CETN3: variants seen among roughly 807,000 people sequenced by gnomAD.
The protein encoded by CETN3 is centrin-3.
Under a neutral mutation model 20.1 loss-of-function variants are expected in CETN3, and 17 were observed. The observed-to-expected ratio is 0.85, with a 90% CI of 0.58 to 1.27. The LOEUF (loss-of-function observed/expected upper bound fraction) is 1.27, where lower values mean the gene tolerates loss of function less well. CETN3 is among the 50% of genes most tolerant of loss of function. The pLI is 0.00. For missense variants in CETN3, 169 were observed against 191.2 expected, an observed-to-expected ratio of 0.88 and a Z score of 0.69; for synonymous variants, 52 against 59.7, an observed-to-expected ratio of 0.87 and a Z score of 0.59.
At chr5:90,402,673 C>T (rs1749329032) in intron 3 of CETN3, among the ~76,000 whole-genome samples, 1 of 152,184 alleles carries the variant, frequency 6.6e-6, no homozygotes, top group Admixed American at 6.5e-5. Context: ...AAGTCTCTAA[C>T]TACTCACTCT....
intron 4 of CETN3, 74 bp downstream of exon 4, chr5:90,399,284 A>G: frequency 7.1e-7 from 1 of 1,400,388 alleles, no homozygotes; most frequent in South Asian, 1.2e-5. Flanking sequence ...CTTGCAAGTC[A>G]TTTGGTTTTA....
chr5:90,405,597 T>C, intron 3 of CETN3, 88 bp downstream of exon 3: 1 of 851,828 alleles, frequency 1.2e-6, no homozygotes, highest in Non-Finnish European at 1.9e-6. Flanking sequence ...GAAAATTCCA[T>C]AACCTAGAGA....
intron 3 of CETN3, among the ~76,000 whole-genome samples, chr5:90,403,322 T>C (rs1162154846): frequency 6.6e-6 from 1 of 152,190 alleles, no homozygotes; most frequent in Non-Finnish European, 1.5e-5. Flanking sequence ...GGGTAATACA[T>C]AGTTCCTGAA....
In CETN3 at chr5:90,407,727, T is replaced by A. The variant is rs1485611151; in HGVS notation, c.125A>T (p.Asp42Val). Residue 42 changes from aspartate to valine, a missense_variant, in exon 2 of 5, where the codon GAT becomes GTT. Physicochemically the swap from Asp to Val is radical, Grantham distance 152. Transcript: ENST00000283122. ...TAATTCATGATAATCTATTGCTTCA[T>A]CTTTGTCTGTATCAAATAGTTCAAA... Reference protein sequence around the residue: ...DAFELFDTDKDEAIDYHELKV... With the variant: ...DAFELFDTDKVEAIDYHELKV... The A allele has an allele frequency of 1.9e-6, 3 of 1,563,418 alleles. No individual in the cohort carries two copies. The highest frequency in any genetic ancestry group is 2.6e-6 in the Non-Finnish European group (3 of 1,144,832).
chr5:90,395,777 C>T (rs1196454625), intron 4 of CETN3: 2 of 683,684 alleles, frequency 2.9e-6, no homozygotes, highest in Non-Finnish European at 3.6e-6. Flanking sequence ...ACTAGTCTGA[C>T]AATTTTTCTG....
rs989982605 is a variant in CETN3, at chr5:90,396,211, G to A, written c.461-2104C>T. Reference sequence around the variant, plus strand: ...TATGCCTCACAGAAATAAGCTATGAGTTAGGAAAAATGCACCCTCCAGAAG... The same window carrying A: ...TATGCCTCACAGAAATAAGCTATGAATTAGGAAAAATGCACCCTCCAGAAG... On this transcript the variant is annotated intron_variant, in intron 4 of 4. Coordinates refer to ENST00000283122, the MANE Select transcript of CETN3 (RefSeq NM_004365.4). 5 of 985,160 alleles carry A rather than the reference G, an allele frequency of 5.1e-6. No homozygotes were observed. The African/African-American group carries it at 8.7e-5, about 17-fold the overall frequency. 61.0% of individuals were successfully genotyped at this position (985,160 alleles called of 1,614,324 possible).
chr5:90,395,964 T>A, intron 4 of CETN3: 1 of 915,178 alleles, frequency 1.1e-6, no homozygotes, highest in Non-Finnish European at 1.3e-6. Flanking sequence ...ACAGAACAAA[T>A]GTTTTATAAC....
intron 3 of CETN3, among the ~76,000 whole-genome samples, chr5:90,401,392 T>C (rs1359387528): frequency 2.6e-5 from 4 of 152,178 alleles, no homozygotes; most frequent in African/African-American, 4.8e-5. Flanking sequence ...TAAACTGATA[T>C]AGAGGCAGTT....
chr5:90,393,217 T>C lies in CETN3; in HGVS notation c.*847A>G, dbSNP rs911952765. ...ACTGTTCCTTCATATAGGTAAAACA[T>C]AGACTTAAATTATTTCTGTGGCTTA... On this transcript the variant is annotated 3_prime_UTR_variant, in exon 5 of 5. Transcript: ENST00000283122. The C allele has an allele frequency of 1.3e-5, 2 of 152,190 alleles. No individual in the cohort carries two copies. The highest frequency in any genetic ancestry group is 2.9e-5 in the Non-Finnish European group (2 of 68,032). 9.4% of individuals were successfully genotyped at this position (152,190 alleles called of 1,614,324 possible). A position where few individuals can be genotyped will look rare whatever the true frequency, so the allele number is the denominator to read the frequency against.
intron 1 of CETN3, among the ~76,000 whole-genome samples, chr5:90,408,101 T>C (rs547161680): frequency 6.3e-4 from 96 of 152,272 alleles, no homozygotes; most frequent in African/African-American, 2.2e-3. Flanking sequence ...TTCCCACTAA[T>C]GTTACTGTGG....
chr5:90,394,173 T>A, intron 4 of CETN3, 66 bp from the exon 5 acceptor site: 1 of 1,054,352 alleles, frequency 9.5e-7, no homozygotes, highest in Non-Finnish European at 1.4e-6. Context: ...AATCCACGAC[T>A]ACCATTTTAC....
intron 1 of CETN3, among the ~76,000 whole-genome samples, chr5:90,409,038 T>C (rs549842900): frequency 6.6e-6 from 1 of 152,174 alleles, no homozygotes; most frequent in East Asian, 1.9e-4. Context: ...CGTAAGTGTA[T>C]GGATAGTTTT....
chr5:90,399,508 G>A lies in CETN3; in HGVS notation c.310C>T (p.Leu104Phe), dbSNP rs150058532. Residue 104 changes from leucine (L) to phenylalanine (F), a missense_variant, in exon 4 of 5, where the codon CTC becomes TTC. Coordinates refer to ENST00000283122, the MANE Select transcript of CETN3 (RefSeq NM_004365.4). ...ILERDPHEEILKAFKLFDDDD... is the reference protein window; with the variant it reads ...ILERDPHEEIFKAFKLFDDDD... ...TCATCAAATAGTTTAAATGCCTTGA[G>A]TATTTCTTCATGGGGATCTCTTTCC... The A allele has an allele frequency of 1.8e-5, 29 of 1,613,588 alleles. No homozygotes were observed. The highest frequency in any genetic ancestry group is 2.5e-5 in the Non-Finnish European group (29 of 1,179,778).
chr5:90,399,381 A>T lies in CETN3; in HGVS notation c.437T>A (p.Phe146Tyr). ...ACTTTCTCCATCACCATCTTTGTCAAATTCTTCTATCATAGCTCGAAGTTC... is the reference window on the plus strand; with the variant it reads ...ACTTTCTCCATCACCATCTTTGTCATATTCTTCTATCATAGCTCGAAGTTC... Reference protein sequence around the residue: ...DEELRAMIEEFDKDGDGEINQ... With the variant: ...DEELRAMIEEYDKDGDGEINQ... The change falls in exon 4 of 5, where the codon TTT (phenylalanine) becomes TAT (tyrosine). Residue 146 changes from phenylalanine (F) to tyrosine (Y), a missense_variant. Physicochemically the swap from Phe to Tyr is conservative, Grantham distance 22. Coordinates refer to ENST00000283122, the MANE Select transcript of CETN3 (RefSeq NM_004365.4). The T allele has an allele frequency of 6.2e-7, 1 of 1,613,994 alleles. No homozygotes were observed. The highest frequency in any genetic ancestry group is 8.5e-7 in the Non-Finnish European group (1 of 1,179,950).
At chr5:90,396,259 T>C (rs942699759) in intron 4 of CETN3, 1 of 985,056 alleles carries the variant, frequency 1.0e-6, no homozygotes, top group East Asian at 1.1e-4. Flanking sequence ...TATGAAGCCA[T>C]GCAATCAGTA....
chr5:90,396,861 G>A (rs1749148310), intron 4 of CETN3, among the ~76,000 whole-genome samples: 3 of 152,088 alleles, frequency 2.0e-5, no homozygotes, highest in Admixed American at 6.6e-5. Flanking sequence ...TGTAACCACA[G>A]GTTCCTCACA....
chr5:90,407,007 G>A (rs1310086694), intron 2 of CETN3, among the ~76,000 whole-genome samples: 3 of 151,856 alleles, frequency 2.0e-5, no homozygotes, highest in East Asian at 3.9e-4. Context: ...AATCCCTTAC[G>A]AAATTACAAA....
At position 90,407,691 on chromosome 5, in the gene CETN3, A is replaced by C. The variant is rs1386935933; in HGVS notation, c.153+8T>G. On this transcript the variant is annotated splice_region_variant and intron_variant, in intron 2 of 4. Transcript: ENST00000283122. ...CACAGAAACAAATATTTTAAAGTATACCATTACCTTTAATTCATGATAATC... is the reference window on the plus strand; with the variant it reads ...CACAGAAACAAATATTTTAAAGTATCCCATTACCTTTAATTCATGATAATC... 2.0e-6 allele frequency: 3 copies of C among 1,479,062 alleles called. No individual in the cohort carries two copies. The highest frequency in any genetic ancestry group is 1.8e-6 in the Non-Finnish European group (2 of 1,094,136). The allele number at this position is 1,479,062 out of a possible 1,614,324, so 91.6% of individuals were successfully genotyped here. A position where few individuals can be genotyped will look rare whatever the true frequency, so the allele number is the denominator to read the frequency against.
At chr5:90,409,543 TC>T (rs1749567304) in intron 1 of CETN3, 101 bp downstream of exon 1, 1 of 1,406,388 alleles carries the variant, frequency 7.1e-7, no homozygotes, top group Non-Finnish European at 1.0e-6. Context: ...CCAAACTACA[TC>T]CCCTGCCTCG....
Sources: allele counts gnomAD v4.1 joint callset (sites outside exome capture counted in the v4.1 genomes callset), GRCh38; gene constraint gnomAD v4.1.1; transcripts MANE v1.5; gene names NCBI Gene and HGNC (gene_info 2026-07-23, HGNC 2026-07-21).